The following CCDC88C variants were observed in gnomAD, a reference collection of about 807,000 sequenced individuals.
The protein encoded by CCDC88C is protein Daple.
A neutral mutation model predicts 198.8 loss-of-function variants in CCDC88C; 131 were observed. The observed-to-expected ratio is 0.66, with a 90% CI of 0.57 to 0.76. CCDC88C has a LOEUF of 0.76. CCDC88C is among the 30% of genes least tolerant of loss of function. The pLI is 0.00. For missense variants in CCDC88C, 2,553 were observed against 2,631.6 expected (o/e 0.97, Z 0.65); for synonymous variants, 1,166 against 1,114.7 (o/e 1.05, Z -0.92).
In CCDC88C at chr14:91,416,735, T is replaced by C; in HGVS notation, c.161+3A>G. On this transcript the variant is annotated splice_donor_region_variant and intron_variant, in intron 2 of 29. Transcript: ENST00000389857. ...TCCTTCCTCCGAGAAGAAGGTAACTTACATTTGCAGCATAATTTGGTTCAA... is the reference window on the plus strand; with the variant it reads ...TCCTTCCTCCGAGAAGAAGGTAACTCACATTTGCAGCATAATTTGGTTCAA... The C allele has an allele frequency of 1.3e-6, 2 of 1,596,834 alleles. No individual in the cohort carries two copies. Among genetic ancestry groups the C allele is most frequent in the Non-Finnish European group, 1.7e-6 (2 of 1,164,670 alleles).
intron 3 of CCDC88C, among the ~76,000 whole-genome samples, chr14:91,368,503 T>A (rs953865614): frequency 6.6e-6 from 1 of 152,218 alleles, no homozygotes; most frequent in African/African-American, 2.4e-5. Flanking sequence ...ATGAGCAAAC[T>A]AAGCAAAAGT....
In CCDC88C at chr14:91,339,033, C is replaced by T; in HGVS notation, c.809+245G>A. On this transcript the variant is annotated intron_variant, in intron 8 of 29. Transcript: ENST00000389857. This position sits in a 1 kb window ranked among gnomAD's most constrained non-coding sequence, Gnocchi z 5.8. ...GACTGGAGGCTGCTTCTGTGGACAACTTGCACCGTCTGGACGGGAGGAAAC... is the reference window on the plus strand; with the variant it reads ...GACTGGAGGCTGCTTCTGTGGACAATTTGCACCGTCTGGACGGGAGGAAAC... 1 of 597,472 alleles carries T rather than the reference C, an allele frequency of 1.7e-6. No homozygotes were observed. Among genetic ancestry groups the T allele is most frequent in the South Asian group, 1.8e-5 (1 of 54,474 alleles). The allele number at this position is 597,472 out of a possible 1,614,324, so 37.0% of individuals were successfully genotyped here. A position where few individuals can be genotyped will look rare whatever the true frequency, so the allele number is the denominator to read the frequency against.
chr14:91,275,204 A>G (rs1889902855), intron 29 of CCDC88C, among the ~76,000 whole-genome samples: 1 of 152,138 alleles, frequency 6.6e-6, no homozygotes, highest in Non-Finnish European at 1.5e-5. Flanking sequence ...TCAGCTTTCA[A>G]CAGAAGCTGC....
intron 2 of CCDC88C, among the ~76,000 whole-genome samples, chr14:91,414,029 G>C (rs1260432786): frequency 1.3e-5 from 2 of 152,192 alleles, no homozygotes; most frequent in African/African-American, 4.8e-5. Flanking sequence ...GTGCAGTACA[G>C]TCTAAATGCG....
In CCDC88C at chr14:91,338,677, G is replaced by C; in HGVS notation, c.810-107C>G. 2 of 807,884 alleles carry C rather than the reference G, an allele frequency of 2.5e-6. No individual in the cohort carries two copies. The highest frequency in any genetic ancestry group is 4.1e-6 in the Non-Finnish European group (2 of 485,022). The allele number at this position is 807,884 out of a possible 1,614,324, so 50.0% of individuals were successfully genotyped here. ...ACCTGTGGGAAAAGGAAAGGACTCG[G>C]GATTTGGGCGGTGGGGAGGCGATCT... On this transcript the variant is annotated intron_variant, in intron 8 of 29. Transcript: ENST00000389857. This position sits in a 1 kb window ranked among gnomAD's most constrained non-coding sequence, Gnocchi z 4.8.
rs193256140 is a variant in CCDC88C at position 91,307,060 on chromosome 14, C to T, written c.3173G>A (p.Arg1058Gln). ...ATMELLRVKDRAIELERNNAA... is the reference protein window; with the variant it reads ...ATMELLRVKDQAIELERNNAA... ...CACATTCCGCTCCAGCTCGATGGCC[C>T]GGTCCTTCACTCGGAGAAGCTCCAT... Residue 1058 changes from arginine to glutamine, a missense_variant, in exon 18 of 30, where the codon CGG becomes CAG. By Grantham distance (43) the Arg-to-Gln change is conservative. Coordinates refer to ENST00000389857, the MANE Select transcript of CCDC88C (RefSeq NM_001080414.4). 6.3e-5 allele frequency: 102 copies of T among 1,613,086 alleles called. No individual in the cohort carries two copies. The highest frequency in any genetic ancestry group is 7.6e-5 in the Non-Finnish European group (90 of 1,179,412).
intron 3 of CCDC88C, among the ~76,000 whole-genome samples, chr14:91,407,091 C>A (rs141847946): frequency 2.5e-4 from 38 of 152,294 alleles, no homozygotes; most frequent in African/African-American, 7.5e-4. Flanking sequence ...CAGCCCCCCC[C>A]ACCCAACAGG....
Position 91,384,514 on chromosome 14 carries a change from GCTT to G in CCDC88C, c.270+24142_270+24144del, listed in dbSNP as rs1240012795. On this transcript the variant is annotated intron_variant, in intron 3 of 29. Coordinates refer to ENST00000389857, the MANE Select transcript of CCDC88C (RefSeq NM_001080414.4). ...TCCTCCTTCTTCCCCTTCCTCATCT[GCTT>G]CTTCACCTTCTTCATCATAATCATC... 1.9e-5 allele frequency: 10 copies of G among 520,006 alleles called. No homozygotes were observed. The African/African-American group carries it at 1.9e-4, about 10-fold the overall frequency. The allele number at this position is 520,006 out of a possible 1,614,324, so 32.2% of individuals were successfully genotyped here.
chr14:91,294,824 A>AT (rs1466682746), intron 22 of CCDC88C, among the ~76,000 whole-genome samples: 1 of 152,034 alleles, frequency 6.6e-6, no homozygotes, highest in Admixed American at 6.6e-5. Context: ...CGCCCAGCTA[A>AT]TTTTTTGTGT....
chr14:91,337,970 GC>G lies in CCDC88C; in HGVS notation c.1050+34del, dbSNP rs760648423. ...ATGTGCTTCTCAGGAATTTCCAGCA[GC>G]CCCATCCAGGGGCCTCACAGCAAGG... is the stretch of plus-strand genomic sequence containing the variant. On this transcript the variant is annotated intron_variant, in intron 10 of 29. Coordinates refer to ENST00000389857, the MANE Select transcript of CCDC88C (RefSeq NM_001080414.4). The G allele has an allele frequency of 2.3e-5, 37 of 1,603,850 alleles. No individual in the cohort carries two copies. The African/African-American group carries it at 4.4e-4, about 19-fold the overall frequency.
chr14:91,282,125 C>T (rs1890224257), intron 26 of CCDC88C, among the ~76,000 whole-genome samples: 1 of 152,154 alleles, frequency 6.6e-6, no homozygotes, highest in Admixed American at 6.5e-5. Context: ...GACCCTGGGT[C>T]CCCTCCAAAA....
intron 20 of CCDC88C, among the ~76,000 whole-genome samples, chr14:91,302,581 AAAGTT>A (rs1891347111): frequency 6.6e-6 from 1 of 152,200 alleles, no homozygotes; most frequent in Admixed American, 6.5e-5. Context: ...TCAAGAGTGC[AAAGTT>A]AAGATGTGTG....
In CCDC88C at chr14:91,371,880, G is replaced by A. The variant is rs1408728317; in HGVS notation, c.271-12169C>T. ...CAGGCACAAGTCGGAGCAGGATGGT[G>A]GAGGGCACCTAGGAGCCTCCAGCGG... On this transcript the variant is annotated intron_variant, in intron 3 of 29. Transcript: ENST00000389857. This position sits in a 1 kb window ranked among gnomAD's most constrained non-coding sequence, Gnocchi z 4.2. 6.6e-6 allele frequency among the ~76,000 whole-genome samples: 1 copy of A among 152,198 alleles called. No individual in the cohort carries two copies.
chr14:91,325,825 T>C lies in CCDC88C; in HGVS notation c.1197+85A>G, dbSNP rs1054901814. Reference sequence around the variant, plus strand: ...CTCAAGGGATCCTCCCACCTTAGCCTCCCAAAGTGCTGGGATTACAGGCAT... The same window carrying C: ...CTCAAGGGATCCTCCCACCTTAGCCCCCCAAAGTGCTGGGATTACAGGCAT... On this transcript the variant is annotated intron_variant, in intron 11 of 29. Transcript: ENST00000389857. The surrounding 1 kb of genome is among the most constrained non-coding windows in gnomAD (Gnocchi z 4.1). The C allele has an allele frequency of 2.2e-6, 3 of 1,387,422 alleles. No individual in the cohort carries two copies. Among genetic ancestry groups the C allele is most frequent in the Non-Finnish European group, 2.9e-6 (3 of 1,020,638 alleles). The allele number at this position is 1,387,422 out of a possible 1,614,324, so 85.9% of individuals were successfully genotyped here. A position where few individuals can be genotyped will look rare whatever the true frequency, so the allele number is the denominator to read the frequency against.
chr14:91,313,157 T>C lies in CCDC88C; in HGVS notation c.2659A>G (p.Lys887Glu). Reference protein sequence around the residue: ...ARCRDAAGKLKELEKDNRDLT... With the variant: ...ARCRDAAGKLEELEKDNRDLT... ...TCCCGGTTGTCCTTCTCCAGCTCCTTCAGCTTGCCGGCTGCGTCCCTGCAG... is the reference window on the plus strand; with the variant it reads ...TCCCGGTTGTCCTTCTCCAGCTCCTCCAGCTTGCCGGCTGCGTCCCTGCAG... Residue 887 changes from lysine (K) to glutamate (E), a missense_variant, in exon 15 of 30, where the codon AAG (lysine) becomes GAG (glutamate). Physicochemically the swap from Lys to Glu is moderately conservative, Grantham distance 56 (BLOSUM62 1). Around this residue, in one of 2 missense-constraint regions of CCDC88C, gnomAD observed 1,260 missense variants for 1,412.0 expected, o/e 0.89. Coordinates refer to ENST00000389857, the MANE Select transcript of CCDC88C (RefSeq NM_001080414.4). The surrounding 1 kb of genome is among the most constrained non-coding windows in gnomAD (Gnocchi z 5.2). The C allele has an allele frequency of 6.2e-7, 1 of 1,611,480 alleles. No homozygotes were observed. Among genetic ancestry groups the C allele is most frequent in the Non-Finnish European group, 8.5e-7 (1 of 1,178,194 alleles).
intron 4 of CCDC88C, among the ~76,000 whole-genome samples, chr14:91,356,155 A>G (rs1449325868): frequency 6.6e-6 from 1 of 152,192 alleles, no homozygotes; most frequent in Non-Finnish European, 1.5e-5. Flanking sequence ...ACAATTTAAA[A>G]CTGAAAATGC....
intron 10 of CCDC88C, among the ~76,000 whole-genome samples, chr14:91,328,951 G>A (rs1418669182): frequency 1.3e-5 from 2 of 152,190 alleles, no homozygotes; most frequent in Non-Finnish European, 2.9e-5. Flanking sequence ...GCAGTCTTCC[G>A]CCAGGGAGCT....
At chr14:91,386,320 G>A (rs1336002753) in intron 3 of CCDC88C, among the ~76,000 whole-genome samples, 4 of 151,544 alleles carry the variant, frequency 2.6e-5, no homozygotes, top group Non-Finnish European at 5.9e-5. Context: ...ACCTAGCTGG[G>A]CATGGTGGTG....
chr14:91,366,410 C>A (rs111892864), intron 3 of CCDC88C, among the ~76,000 whole-genome samples: 1 of 152,098 alleles, frequency 6.6e-6, no homozygotes, highest in Non-Finnish European at 1.5e-5. Flanking sequence ...TGCTTGAACC[C>A]GGGACGCAGA....
Sources: allele counts gnomAD v4.1 joint callset (sites outside exome capture counted in the v4.1 genomes callset), GRCh38; gene constraint gnomAD v4.1.1; regional missense constraint gnomAD v4.1.1; non-coding constraint Gnocchi (gnomAD v3.1); transcripts MANE v1.5; gene names NCBI Gene and HGNC (gene_info 2026-07-23, HGNC 2026-07-21).